Variants in DTNA observed in about 807,000 individuals in gnomAD.
DTNA encodes the protein dystrobrevin alpha, also known as dystrophin-related protein 3.
A neutral mutation model predicts 100.7 loss-of-function variants in DTNA; 43 were observed. The ratio of observed to expected loss-of-function variants is 0.43; its 90% CI spans 0.33 to 0.55. The LOEUF is 0.55. DTNA is among the 20% of genes least tolerant of loss of function. DTNA has a pLI of 0.04. For missense variants in DTNA, 798 were observed against 953.9 expected, an observed-to-expected ratio of 0.84 and a Z score of 2.15; for synonymous variants, 349 against 347.9, an observed-to-expected ratio of 1.00 and a Z score of -0.04.
At chr18:34,710,857 C>T (rs73946149) in intron 1 of DTNA, among the ~76,000 whole-genome samples, 1,791 of 151,994 alleles carry the variant, frequency 0.012, 38 homozygotes, top group African/African-American at 0.041. Flanking sequence ...TTGTCCAAAG[C>T]TACTTGTCTC....
At chr18:34,796,904 A>G (rs1210125089) in intron 4 of DTNA, among the ~76,000 whole-genome samples, 1 of 152,164 alleles carries the variant, frequency 6.6e-6, no homozygotes, top group Non-Finnish European at 1.5e-5. Context: ...ACCTTCGCAC[A>G]GCCATAGCTC....
intron 1 of DTNA, among the ~76,000 whole-genome samples, chr18:34,639,120 C>T (rs754936984): frequency 2.6e-5 from 4 of 152,178 alleles, no homozygotes; most frequent in Non-Finnish European, 4.4e-5. Context: ...GGATTATAGG[C>T]GTGAGCCACT....
At chr18:34,707,443 C>A (rs1186946590), upstream of DTNA, among the ~76,000 whole-genome samples, 1 of 152,018 alleles carries the variant, frequency 6.6e-6, no homozygotes, top group African/African-American at 2.4e-5. Flanking sequence ...TTTGTGAAAC[C>A]AAATATACTG....
chr18:34,815,814 C>A (rs1667160764), intron 6 of DTNA, 95 bp from the exon 7 acceptor site: 2 of 1,060,242 alleles, frequency 1.9e-6, no homozygotes, highest in Non-Finnish European at 2.9e-6. Context: ...TTATTGAGTG[C>A]TCTTTTGTTT....
chr18:34,813,050 G>A (rs1474498301), intron 6 of DTNA, among the ~76,000 whole-genome samples: 2 of 152,140 alleles, frequency 1.3e-5, no homozygotes, highest in Non-Finnish European at 2.9e-5. Flanking sequence ...CTATCTATGT[G>A]TGTACCTCTC....
chr18:34,826,194 G>A (rs1333857099), intron 9 of DTNA, among the ~76,000 whole-genome samples: 1 of 152,020 alleles, frequency 6.6e-6, no homozygotes, highest in Non-Finnish European at 1.5e-5. Context: ...CAGCTACCTT[G>A]AAAAAAGTTT....
At chr18:34,532,032 G>A (rs750980053) in intron 1 of DTNA, among the ~76,000 whole-genome samples, 5 of 152,074 alleles carry the variant, frequency 3.3e-5, no homozygotes, top group Non-Finnish European at 7.4e-5. Context: ...AATTCAAACA[G>A]CATTCACAGA....
intron 1 of DTNA, among the ~76,000 whole-genome samples, chr18:34,652,916 G>A (rs1160592202): frequency 6.6e-6 from 1 of 152,050 alleles, no homozygotes; most frequent in African/African-American, 2.4e-5. Flanking sequence ...AATATCCAAA[G>A]GGGTGGATAC....
intron 1 of DTNA, among the ~76,000 whole-genome samples, chr18:34,642,722 C>A (rs917969138): frequency 6.6e-6 from 1 of 151,964 alleles, no homozygotes; most frequent in African/African-American, 2.4e-5. Flanking sequence ...CCACGCCCAG[C>A]TAATTTTTGT....
chr18:34,806,110 G>A (rs1209264177), intron 4 of DTNA, 109 bp from the exon 5 acceptor site: 3 of 931,854 alleles, frequency 3.2e-6, no homozygotes, highest in Non-Finnish European at 5.1e-6. Flanking sequence ...TGTATCCTGT[G>A]ATTTCTACAG....
intron 1 of DTNA, among the ~76,000 whole-genome samples, chr18:34,704,301 C>T (rs562314619): frequency 2.0e-5 from 3 of 152,354 alleles, no homozygotes; most frequent in African/African-American, 7.2e-5. Context: ...TGGAGTCACT[C>T]TGTCACTCCT....
chr18:34,584,823 G>A (rs2146753637), intron 1 of DTNA, among the ~76,000 whole-genome samples: 1 of 151,902 alleles, frequency 6.6e-6, no homozygotes, highest in Middle Eastern at 3.4e-3. Flanking sequence ...AAGGAGGGAG[G>A]GAAGAGGAGA....
chr18:34,776,976 C>T (rs751271326), intron 3 of DTNA, among the ~76,000 whole-genome samples: 2 of 152,188 alleles, frequency 1.3e-5, no homozygotes, highest in Non-Finnish European at 2.9e-5. Context: ...AACTCAATGG[C>T]GGACCTCCTC....
rs189079632 is a variant in DTNA at position 34,604,176 on chromosome 18, G to A, written c.-2+110662G>A. Among the ~76,000 whole-genome samples the A allele has an allele frequency of 8.5e-5, 13 of 152,208 alleles. No individual in the cohort carries two copies. The East Asian group carries it at 1.2e-3, about 14-fold the overall frequency. On this transcript the variant is annotated intron_variant, in intron 1 of 19. Coordinates refer to the DTNA transcript ENST00000283365. The stretch of plus-strand genomic sequence containing the variant: ...ATATTAAGGTGGCTTAGGCGTGACC[G>A]GGTGTGTGTCCTTTCATCACTTGTC...
intron 1 of DTNA, among the ~76,000 whole-genome samples, chr18:34,661,280 A>C (rs1165190300): frequency 6.6e-6 from 1 of 152,244 alleles, no homozygotes; most frequent in Non-Finnish European, 1.5e-5. Flanking sequence ...CTTACTAGAC[A>C]CTGCTCTAGC....
intron 1 of DTNA, among the ~76,000 whole-genome samples, chr18:34,537,633 A>G (rs2145662707): frequency 6.6e-6 from 1 of 152,130 alleles, no homozygotes; most frequent in East Asian, 1.9e-4. Flanking sequence ...AATGTGATAA[A>G]TGCAGCAAAA....
chr18:34,607,587 A>G (rs1450977432), intron 1 of DTNA, among the ~76,000 whole-genome samples: 1 of 152,222 alleles, frequency 6.6e-6, no homozygotes. Flanking sequence ...ATTTTCTCAT[A>G]GTTTCAGCCC....
At chr18:34,790,567 A>ATATATATATATATATTTTTTTTTT (rs2094687460) in intron 3 of DTNA, among the ~76,000 whole-genome samples, 1 of 39,654 alleles carries the variant, frequency 2.5e-5, no homozygotes, top group African/African-American at 9.1e-5. Context: ...ATATATATAT[A>ATATATATATATATATTTTTTTTTT]TTTTTTTTTT....
intron 3 of DTNA, among the ~76,000 whole-genome samples, chr18:34,786,208 CTTTG>C (rs918649536): frequency 1.6e-4 from 25 of 152,328 alleles, no homozygotes; most frequent in South Asian, 6.2e-4. Flanking sequence ...GACATTGGAA[CTTTG>C]TTTGATAACT....
Sources: gnomAD v4.1 joint callset for allele counts (sites outside exome capture counted in the v4.1 genomes callset) on GRCh38, gnomAD v4.1.1 for gene constraint, MANE v1.5 for transcripts, NCBI Gene and HGNC (gene_info 2026-07-23, HGNC 2026-07-21) for gene names.